The following ZBTB8A variants were observed in gnomAD, a reference collection of about 807,000 sequenced individuals.
ZBTB8A encodes the protein zinc finger and BTB domain containing 8A, also known as zinc finger and BTB domain-containing protein 8A.
ZBTB8A carries 19 observed loss-of-function variants against 37.8 expected under a neutral mutation model. The ratio of observed to expected loss-of-function variants is 0.50; its 90% CI spans 0.35 to 0.74. The LOEUF (loss-of-function observed/expected upper bound fraction) is 0.74, where lower values mean the gene tolerates loss of function less well. Among genes scored for constraint, ZBTB8A ranks in the 30% least tolerant of loss-of-function variants. The pLI is 0.01. For synonymous variants in ZBTB8A, 181 were observed against 185.2 expected, an observed-to-expected ratio of 0.98 and a Z score of 0.19; for missense variants, 394 against 537.8, an observed-to-expected ratio of 0.73 and a Z score of 2.65.
At chr1:32,596,594 AC>A (rs11360246) in intron 4 of ZBTB8A, among the ~76,000 whole-genome samples, 17,507 of 151,864 alleles carry the variant, frequency 0.12, 1,015 homozygotes, top group African/African-American at 0.17. Context: ...CAAAAAACAA[AC>A]AAAAAAAATA....
chr1:32,598,309 T>C (rs893445832), intron 4 of ZBTB8A, among the ~76,000 whole-genome samples: 4 of 141,400 alleles, frequency 2.8e-5, no homozygotes, highest in African/African-American at 5.2e-5. Flanking sequence ...CTCAGCTCAC[T>C]GCAACCTCCG....
At chr1:32,580,580 A>G (rs1253048732) in intron 2 of ZBTB8A, among the ~76,000 whole-genome samples, 3 of 151,998 alleles carry the variant, frequency 2.0e-5, no homozygotes, top group Admixed American at 6.6e-5. Context: ...TTTCAGGGTT[A>G]ATGACAATAC....
intron 2 of ZBTB8A, among the ~76,000 whole-genome samples, chr1:32,567,905 G>A (rs1644295673): frequency 1.3e-5 from 2 of 151,620 alleles, no homozygotes; most frequent in Admixed American, 1.3e-4. Context: ...ACTTTGGGAG[G>A]CCGAGGCAGG....
At chr1:32,549,891 A>G (rs1324448503) in intron 1 of ZBTB8A, among the ~76,000 whole-genome samples, 1 of 152,230 alleles carries the variant, frequency 6.6e-6, no homozygotes, top group Non-Finnish European at 1.5e-5. Flanking sequence ...CAATGTTTCC[A>G]TAAATGTGCT....
chr1:32,569,341 A>G (rs2148231017), intron 2 of ZBTB8A, among the ~76,000 whole-genome samples: 1 of 146,722 alleles, frequency 6.8e-6, no homozygotes, highest in South Asian at 2.1e-4. Flanking sequence ...TCAGATATAT[A>G]TACTGCAAAT....
intron 1 of ZBTB8A, among the ~76,000 whole-genome samples, chr1:32,542,779 A>G (rs941737961): frequency 6.6e-6 from 1 of 152,170 alleles, no homozygotes; most frequent in Non-Finnish European, 1.5e-5. Flanking sequence ...ATTCTGTTAT[A>G]TTCTTGGGAC....
At chr1:32,543,607 C>G (rs902319096) in intron 1 of ZBTB8A, among the ~76,000 whole-genome samples, 4 of 152,144 alleles carry the variant, frequency 2.6e-5, no homozygotes. Context: ...TCTACCCATT[C>G]TGGGCATTTC....
Position 32,579,642 on chromosome 1 carries a change from C to T in ZBTB8A, c.-1-13289C>T, listed in dbSNP as rs79340656. ...TCATGTTCCTGAACACTGATCTCTG[C>T]TCCATTCAGTGTGATTTTCTCTTCC... On this transcript the variant is annotated intron_variant, in intron 2 of 4. Coordinates refer to ENST00000373510, the MANE Select transcript of ZBTB8A (RefSeq NM_001040441.3). Among the ~76,000 whole-genome samples the T allele has an allele frequency of 4.9e-4, 75 of 152,188 alleles. 2 individuals are homozygous for T. The East Asian group carries it at 0.012, about 24-fold the overall frequency.
intron 2 of ZBTB8A, among the ~76,000 whole-genome samples, chr1:32,569,813 G>A (rs1038699933): frequency 6.7e-6 from 1 of 149,402 alleles, no homozygotes; most frequent in Non-Finnish European, 1.5e-5. Flanking sequence ...AATAGAGATA[G>A]GGTTTTGCTA....
chr1:32,547,823 C>G lies in ZBTB8A; in HGVS notation c.-83-5636C>G. ...GATTCTGTCTAAAACAAAAAACAAA[C>G]AAAGCAAAAAAAAAAAAAAAAAAAA... On this transcript the variant is annotated intron_variant, in intron 1 of 4. Transcript: ENST00000373510. Among the ~76,000 whole-genome samples, 3 of 18,710 alleles carry G rather than the reference C, an allele frequency of 1.6e-4. No individual in the cohort carries two copies. The East Asian group carries it at 3.3e-3, about 21-fold the overall frequency. 12.3% of individuals were successfully genotyped at this position (18,710 alleles called of 152,430 possible). A position where few individuals can be genotyped will look rare whatever the true frequency, so the allele number is the denominator to read the frequency against.
chr1:32,574,253 T>C (rs1644344372), intron 2 of ZBTB8A, among the ~76,000 whole-genome samples: 1 of 152,188 alleles, frequency 6.6e-6, no homozygotes, highest in Non-Finnish European at 1.5e-5. Context: ...TATTGACTTC[T>C]AGTTTGATTG....
intron 1 of ZBTB8A, among the ~76,000 whole-genome samples, chr1:32,544,495 A>C (rs577061121): frequency 1.3e-5 from 2 of 152,222 alleles, no homozygotes; most frequent in African/African-American, 2.4e-5. Flanking sequence ...TCAGGAGTTC[A>C]AGACAAGCCT....
chr1:32,547,828 C>CAAAAAAAAAA (rs1194254576), intron 1 of ZBTB8A, among the ~76,000 whole-genome samples: 60 of 30,428 alleles, frequency 2.0e-3, no homozygotes, highest in Middle Eastern at 0.029. Flanking sequence ...ACAAACAAAG[C>CAAAAAAAAAA]AAAAAAAAAA....
chr1:32,593,599 A>T lies in ZBTB8A; in HGVS notation c.668A>T (p.His223Leu), dbSNP rs189982754. Residue 223 changes from histidine (H) to leucine (L), a missense_variant, in exon 3 of 5, where the codon CAT (histidine) becomes CTT (leucine). Around this residue, in one of 4 missense-constraint regions of ZBTB8A, gnomAD observed 171 missense variants for 186.8 expected, o/e 0.92. Transcript: ENST00000373510. ...LRLSQPSEVT[H>L]YKSSKREVRT... ...TTGTCACAGCCTTCTGAAGTTACTC[A>T]TTATAAGTCAAGCAAACGAGAAGTA... 1 of 1,614,110 alleles carries T rather than the reference A, an allele frequency of 6.2e-7. No homozygotes were observed. The highest frequency in any genetic ancestry group is 1.3e-5 in the African/African-American group (1 of 74,940).
chr1:32,580,649 C>T (rs555532891), intron 2 of ZBTB8A, among the ~76,000 whole-genome samples: 10 of 152,026 alleles, frequency 6.6e-5, no homozygotes, highest in African/African-American at 1.4e-4. Context: ...ATAGTGTTTT[C>T]GGAAGGCCGT....
At position 32,566,690 on chromosome 1, in the gene ZBTB8A, TC is replaced by T. The variant is rs1644282030; in HGVS notation, c.-2+13154del. On this transcript the variant is annotated intron_variant, in intron 2 of 4. Transcript: ENST00000373510. ...TTGAGCCATAGTGATTAACTAAAGC[TC>T]CCCATACTAAAGATGGGGTTGTCAA... 2.0e-5 allele frequency among the ~76,000 whole-genome samples: 3 copies of T among 152,274 alleles called. No individual in the cohort carries two copies. The South Asian group carries it at 6.2e-4, about 32-fold the overall frequency.
chr1:32,598,024 G>A (rs972421215), intron 4 of ZBTB8A, among the ~76,000 whole-genome samples: 3 of 151,726 alleles, frequency 2.0e-5, no homozygotes, highest in African/African-American at 7.3e-5. Flanking sequence ...AAAGTGCTGG[G>A]ATTACAGATG....
At chr1:32,587,824 G>T (rs368623654) in intron 2 of ZBTB8A, among the ~76,000 whole-genome samples, 5 of 152,006 alleles carry the variant, frequency 3.3e-5, no homozygotes, top group African/African-American at 1.2e-4. Context: ...AGATCAAGCA[G>T]GAGTAGAGAG....
rs1644613277 is a variant in ZBTB8A at position 32,605,750 on chromosome 1, G to A, written c.*5331G>A. ...AAAAAAGAACCTAAGACAACCCAGTGAAATGGTAGCAAAAAATAGGAAATA... is the reference window on the plus strand; with the variant it reads ...AAAAAAGAACCTAAGACAACCCAGTAAAATGGTAGCAAAAAATAGGAAATA... On this transcript the variant is annotated 3_prime_UTR_variant, in exon 5 of 5. Transcript: ENST00000373510. The A allele has an allele frequency of 7.1e-6, 1 of 141,718 alleles. No individual in the cohort carries two copies. The highest frequency in any genetic ancestry group is 6.9e-5 in the Admixed American group (1 of 14,424). 8.8% of individuals were successfully genotyped at this position (141,718 alleles called of 1,614,324 possible).
Sources: gnomAD v4.1 joint callset for allele counts (sites outside exome capture counted in the v4.1 genomes callset) on GRCh38, gnomAD v4.1.1 for gene constraint, gnomAD v4.1.1 regional missense constraint, MANE v1.5 for transcripts, NCBI Gene and HGNC (gene_info 2026-07-23, HGNC 2026-07-21) for gene names.